The following RALGPS1 variants were observed in gnomAD, a reference collection of about 807,000 sequenced individuals.
The protein encoded by RALGPS1 is ras-specific guanine nucleotide-releasing factor RalGPS1.
Under a neutral mutation model 78.8 loss-of-function variants are expected in RALGPS1, and 19 were observed. That is an observed-to-expected ratio of 0.24 (90% CI 0.17 to 0.35). The LOEUF (loss-of-function observed/expected upper bound fraction) is 0.35, where lower values mean the gene tolerates loss of function less well. RALGPS1 is among the 10% of genes least tolerant of loss of function. The probability of loss-of-function intolerance (pLI) is 1.00; values close to 1 mark genes in which losing one functional copy is unlikely to be tolerated. For missense variants in RALGPS1, 454 were observed against 688.3 expected (o/e 0.66, Z 3.81); for synonymous variants, 228 against 256.3 (o/e 0.89, Z 1.06).
intron 8 of RALGPS1, among the ~76,000 whole-genome samples, chr9:127,159,257 C>A (rs968024667): frequency 6.6e-6 from 1 of 152,204 alleles, no homozygotes; most frequent in Non-Finnish European, 1.5e-5. Flanking sequence ...TGGGTTACCT[C>A]TTTGTGCCTG....
At chr9:127,178,611 C>G in intron 11 of RALGPS1, 1 of 497,002 alleles carries the variant, frequency 2.0e-6, no homozygotes, top group Non-Finnish European at 2.6e-6. Context: ...TCACCCCCAC[C>G]CCCAATCAGG....
chr9:127,051,467 T>G (rs1288552639), intron 6 of RALGPS1, among the ~76,000 whole-genome samples: 1 of 152,132 alleles, frequency 6.6e-6, no homozygotes, highest in South Asian at 2.1e-4. Flanking sequence ...TTTCCAGAGC[T>G]GTGGGTTAGA....
At chr9:127,078,393 GA>G (rs1388958313) in intron 8 of RALGPS1, among the ~76,000 whole-genome samples, 2 of 152,010 alleles carry the variant, frequency 1.3e-5, no homozygotes, top group South Asian at 4.2e-4. Context: ...TATGAATGAA[GA>G]AAAAAAACAT....
intron 11 of RALGPS1, among the ~76,000 whole-genome samples, chr9:127,186,450 G>A (rs1588436378): frequency 6.6e-6 from 1 of 152,302 alleles, no homozygotes; most frequent in African/African-American, 2.4e-5. Flanking sequence ...CCCCTGCTGC[G>A]GGACATGGAG....
In RALGPS1 at chr9:127,183,114, A is replaced by AG. The variant is rs2060387866; in HGVS notation, c.910+8337dup. On this transcript the variant is annotated intron_variant, in intron 11 of 18. Coordinates refer to ENST00000259351, the MANE Select transcript of RALGPS1 (RefSeq NM_014636.3). This position sits in a 1 kb window ranked among gnomAD's most constrained non-coding sequence, Gnocchi z 4.0. ...ACTGAGTGAGAACTCACTCATCACC[A>AG]GGGGGATGGTGCTAAGCCATTCATG... Among the ~76,000 whole-genome samples, 1 of 152,196 alleles carries AG rather than the reference A, an allele frequency of 6.6e-6. No individual in the cohort carries two copies. The highest frequency in any genetic ancestry group is 1.5e-5 in the Non-Finnish European group (1 of 68,020).
chr9:127,199,147 A>C, intron 14 of RALGPS1, 81 bp downstream of exon 14: 1 of 1,340,832 alleles, frequency 7.5e-7, no homozygotes, highest in Non-Finnish European at 1.1e-6. Context: ...CCGGGCAGGG[A>C]CGGGCCCTGC....
At chr9:127,160,795 A>T (rs1185889086) in intron 8 of RALGPS1, among the ~76,000 whole-genome samples, 2 of 152,164 alleles carry the variant, frequency 1.3e-5, no homozygotes, top group East Asian at 3.9e-4. Context: ...TGATTCTCTC[A>T]CTTGCAAGCT....
chr9:127,207,839 C>T (rs2062016975), intron 14 of RALGPS1, among the ~76,000 whole-genome samples: 2 of 152,242 alleles, frequency 1.3e-5, no homozygotes, highest in Admixed American at 1.3e-4. Context: ...CCTTCAAGGC[C>T]TGGGGTCGCT....
intron 17 of RALGPS1, among the ~76,000 whole-genome samples, chr9:127,214,525 G>A (rs1434159047): frequency 2.0e-5 from 3 of 152,130 alleles, no homozygotes; most frequent in African/African-American, 7.2e-5. Flanking sequence ...TTGTCCACAG[G>A]CTTAACCAGA....
At chr9:126,939,909 T>TAGA (rs557870893) in intron 1 of RALGPS1, among the ~76,000 whole-genome samples, 63 of 152,346 alleles carry the variant, frequency 4.1e-4, no homozygotes, top group African/African-American at 1.4e-3. Flanking sequence ...GTATTCTAGG[T>TAGA]AGAGTCCTCT....
chr9:127,187,079 G>T (rs73597289), intron 11 of RALGPS1, among the ~76,000 whole-genome samples: 1 of 152,192 alleles, frequency 6.6e-6, no homozygotes, highest in South Asian at 2.1e-4. Context: ...CCCTCCAGCT[G>T]TGTGACTGCA....
At chr9:127,155,910 TTA>T (rs2139252109) in intron 8 of RALGPS1, among the ~76,000 whole-genome samples, 1 of 151,644 alleles carries the variant, frequency 6.6e-6, no homozygotes, top group Non-Finnish European at 1.5e-5. Context: ...TTTTTTTTTT[TTA>T]CTTCTAAAAC....
At chr9:126,989,016 T>G (rs1267888800) in intron 4 of RALGPS1, among the ~76,000 whole-genome samples, 2 of 152,132 alleles carry the variant, frequency 1.3e-5, no homozygotes, top group Non-Finnish European at 2.9e-5. Context: ...GGAGGACCAC[T>G]TGAGCCTAGG....
intron 8 of RALGPS1, among the ~76,000 whole-genome samples, chr9:127,097,050 G>A (rs1284918617): frequency 6.6e-6 from 1 of 152,200 alleles, no homozygotes; most frequent in Non-Finnish European, 1.5e-5. Context: ...TCAAGAATGA[G>A]GGATCCATGC....
rs1427976796 is a variant in RALGPS1, at chr9:127,050,046, A to G, written c.304A>G (p.Ser102Gly). The G allele has an allele frequency of 6.2e-7, 1 of 1,611,942 alleles. No homozygotes were observed. The highest frequency in any genetic ancestry group is 8.5e-7 in the Non-Finnish European group (1 of 1,178,002). The change falls in exon 6 of 19, where the codon AGT becomes GGT. Residue 102 changes from serine to glycine, a missense_variant. Ser to Gly is a moderately conservative substitution (Grantham distance 56). Transcript: ENST00000259351. ...VAFTRRFNQV[S>G]FWVVREILTA... ...GTGTGTGTATTTGACTCTACAGGTC[A>G]GTTTTTGGGTTGTACGAGAAATTCT... is the stretch of plus-strand genomic sequence containing the variant.
At chr9:127,158,060 T>C (rs1473154872) in intron 8 of RALGPS1, among the ~76,000 whole-genome samples, 1 of 152,158 alleles carries the variant, frequency 6.6e-6, no homozygotes, top group Non-Finnish European at 1.5e-5. Context: ...GATTGGTCTC[T>C]GTTTTATGCC....
At chr9:127,161,773 T>A (rs2059033570) in intron 8 of RALGPS1, among the ~76,000 whole-genome samples, 1 of 152,212 alleles carries the variant, frequency 6.6e-6, no homozygotes, top group Non-Finnish European at 1.5e-5. Flanking sequence ...AGAGTCTGGC[T>A]GGAGTAAAAG....
intron 1 of RALGPS1, among the ~76,000 whole-genome samples, chr9:126,939,446 T>C (rs540365835): frequency 2.8e-4 from 42 of 152,348 alleles, no homozygotes; most frequent in African/African-American, 8.9e-4. Flanking sequence ...TCAACACTTA[T>C]TGCACAGAGA....
At chr9:127,025,657 G>A (rs1003349710) in intron 4 of RALGPS1, among the ~76,000 whole-genome samples, 16 of 151,892 alleles carry the variant, frequency 1.1e-4, no homozygotes, top group African/African-American at 3.6e-4. Flanking sequence ...TGCCATCCAC[G>A]CATCCTCCTG....
Sources: allele counts gnomAD v4.1 joint callset (sites outside exome capture counted in the v4.1 genomes callset), GRCh38; gene constraint gnomAD v4.1.1; non-coding constraint Gnocchi (gnomAD v3.1); transcripts MANE v1.5; gene names NCBI Gene and HGNC (gene_info 2026-07-23, HGNC 2026-07-21).